Variants in MBD5 observed in about 807,000 individuals in gnomAD.
The protein encoded by MBD5 is methyl-CpG binding domain protein 5, also known as methyl-CpG-binding domain protein 5.
MBD5 carries 13 observed loss-of-function variants against 117.3 expected under a neutral mutation model. That is an observed-to-expected ratio of 0.11 (90% CI 0.07 to 0.18). The LOEUF (loss-of-function observed/expected upper bound fraction) is 0.18, where lower values mean the gene tolerates loss of function less well. MBD5 is among the 10% of genes least tolerant of loss of function. The pLI, the probability that MBD5 is intolerant of heterozygous loss-of-function variation, is 1.00. For missense variants in MBD5, 1,879 were observed against 2,093.8 expected, an observed-to-expected ratio of 0.90 and a Z score of 2.00; for synonymous variants, 727 against 766.4, an observed-to-expected ratio of 0.95 and a Z score of 0.85.
At chr2:148,481,214 C>T (rs903954880) in intron 8 of MBD5, among the ~76,000 whole-genome samples, 1 of 152,060 alleles carries the variant, frequency 6.6e-6, no homozygotes, top group Non-Finnish European at 1.5e-5. Context: ...GAATACCAGG[C>T]TTTATCAGAG....
Position 148,462,627 on chromosome 2 carries a change from C to T in MBD5, c.159C>T (p.Tyr53=). The T allele has an allele frequency of 6.2e-7, 1 of 1,612,982 alleles. No homozygotes were observed. The highest frequency in any genetic ancestry group is 8.5e-7 in the Non-Finnish European group (1 of 1,179,380). The change falls in exon 6 of 14, where the codon TAC becomes TAT. Residue 53 remains tyrosine (Y), a synonymous_variant. Coordinates refer to ENST00000642680, the MANE Select transcript of MBD5 (RefSeq NM_001378120.1). ...LLSCLEQVKT[Y]LLTDGTCKCG... is the part of the protein sequence containing the mutation. Reference sequence around the variant, plus strand: ...CTTGCTTGGAGCAGGTTAAAACATACCTGCTTACTGATGGAACATGCAAGT... The same window carrying T: ...CTTGCTTGGAGCAGGTTAAAACATATCTGCTTACTGATGGAACATGCAAGT...
chr2:148,504,848 G>A (rs948237534), intron 12 of MBD5, among the ~76,000 whole-genome samples: 1 of 152,116 alleles, frequency 6.6e-6, no homozygotes, highest in Non-Finnish European at 1.5e-5. Context: ...GATATAAGAG[G>A]TATAAGCGGG....
At chr2:148,212,040 T>C (rs1699436408) in intron 2 of MBD5, among the ~76,000 whole-genome samples, 3 of 152,172 alleles carry the variant, frequency 2.0e-5, no homozygotes, top group Admixed American at 2.0e-4. Context: ...TGAGCCACCA[T>C]GCCATGCCCA....
chr2:148,071,270 CTG>C (rs1558913341), intron 1 of MBD5: 2 of 124,982 alleles, frequency 1.6e-5, no homozygotes, highest in East Asian at 4.9e-4. Flanking sequence ...TTAGATATAT[CTG>C]TATATGTGTG....
Position 148,444,074 on chromosome 2 carries a change from G to A in MBD5, c.-556-14129G>A, listed in dbSNP as rs973445500. On this transcript the variant is annotated intron_variant, in intron 4 of 13. Coordinates refer to ENST00000642680, the MANE Select transcript of MBD5 (RefSeq NM_001378120.1). Reference sequence around the variant, plus strand: ...TTAAAAAATTTAAAGGATTAAATGAGCTAATTTGTGTATACATAAAGTGTT... The same window carrying A: ...TTAAAAAATTTAAAGGATTAAATGAACTAATTTGTGTATACATAAAGTGTT... Among the ~76,000 whole-genome samples, 13 of 150,880 alleles carry A rather than the reference G, an allele frequency of 8.6e-5. 1 individual carries two copies. Among genetic ancestry groups the A allele is most frequent in the African/African-American group, 3.2e-4 (13 of 40,340 alleles).
chr2:148,100,018 A>G (rs1696165668), intron 1 of MBD5, among the ~76,000 whole-genome samples: 1 of 152,224 alleles, frequency 6.6e-6, no homozygotes, highest in Non-Finnish European at 1.5e-5. Flanking sequence ...AACAACTGGA[A>G]TATAATGTGT....
At chr2:148,447,095 G>T (rs1409142753) in intron 4 of MBD5, among the ~76,000 whole-genome samples, 2 of 148,146 alleles carry the variant, frequency 1.4e-5, no homozygotes, top group African/African-American at 5.0e-5. Flanking sequence ...AAGAAAGAAA[G>T]AAAGGATAGG....
chr2:148,324,538 G>C (rs1369304478), intron 3 of MBD5, among the ~76,000 whole-genome samples: 1 of 152,138 alleles, frequency 6.6e-6, no homozygotes, highest in South Asian at 2.1e-4. Context: ...AGTTCTTGAA[G>C]AGGTCCTTCA....
intron 3 of MBD5, among the ~76,000 whole-genome samples, chr2:148,326,306 T>C (rs576005386): frequency 1.3e-5 from 2 of 152,344 alleles, no homozygotes; most frequent in South Asian, 2.1e-4. Context: ...AAAAAATGTA[T>C]ATTCTGTTGA....
chr2:148,141,791 CAA>C lies in MBD5; in HGVS notation c.-924-36898_-924-36897del, dbSNP rs67998222. On this transcript the variant is annotated intron_variant, in intron 1 of 13. Transcript: ENST00000642680. Reference sequence around the variant, plus strand: ...TAGGTGACAGAGCAAGACCCCGTCTCAAAAAAAAAAAATGTTTTTAATAAAAA... The same window carrying C: ...TAGGTGACAGAGCAAGACCCCGTCTCAAAAAAAAAATGTTTTTAATAAAAA... Among the ~76,000 whole-genome samples the C allele has an allele frequency of 6.0e-3, 770 of 128,682 alleles. 8 individuals carry two copies. The highest frequency in any genetic ancestry group is 0.019 in the African/African-American group (706 of 38,090). The allele number at this position is 128,682 out of a possible 152,430, so 84.4% of individuals were successfully genotyped here.
At chr2:148,355,856 TATTGAATCTATAAAGTACTTTGCAATAGC>T (rs1490882384) in intron 4 of MBD5, among the ~76,000 whole-genome samples, 3 of 152,168 alleles carry the variant, frequency 2.0e-5, no homozygotes, top group African/African-American at 4.8e-5. Flanking sequence ...ATTTGAATAG[TATTGAATCTATAAAGTACTTTGCAATAGC>T]ATTGAATCTA....
chr2:148,133,652 C>T (rs1409211041), intron 1 of MBD5, among the ~76,000 whole-genome samples: 2 of 152,054 alleles, frequency 1.3e-5, no homozygotes, highest in Non-Finnish European at 2.9e-5. Flanking sequence ...GGTGAAACCC[C>T]GTCTCTACTA....
intron 2 of MBD5, among the ~76,000 whole-genome samples, chr2:148,211,446 C>G (rs1260584768): frequency 2.0e-5 from 3 of 152,282 alleles, no homozygotes; most frequent in African/African-American, 7.2e-5. Flanking sequence ...AAACTACTTT[C>G]AGCGTTTGAT....
At chr2:148,238,122 A>G (rs932459676) in intron 3 of MBD5, among the ~76,000 whole-genome samples, 3 of 152,182 alleles carry the variant, frequency 2.0e-5, no homozygotes, top group African/African-American at 7.2e-5. Context: ...AGAACAATGA[A>G]TTTGCTCATT....
intron 1 of MBD5, among the ~76,000 whole-genome samples, chr2:148,048,824 G>A (rs1694614490): frequency 6.6e-6 from 1 of 152,144 alleles, no homozygotes; most frequent in Non-Finnish European, 1.5e-5. Flanking sequence ...TTGCTCCCTT[G>A]AGAAAAGAAG....
intron 6 of MBD5, 100 bp downstream of exon 6, chr2:148,462,784 A>G: frequency 1.3e-6 from 1 of 770,796 alleles, no homozygotes; most frequent in Non-Finnish European, 2.2e-6. Context: ...TACTTCTCCA[A>G]TCATACATTT....
intron 3 of MBD5, among the ~76,000 whole-genome samples, chr2:148,251,739 A>G (rs918716096): frequency 1.3e-5 from 2 of 152,196 alleles, no homozygotes; most frequent in African/African-American, 4.8e-5. Flanking sequence ...AAAAGATAAC[A>G]TTTAGCAAAT....
chr2:148,328,598 A>G lies in MBD5; in HGVS notation c.-679-13616A>G, dbSNP rs369518816. Among the ~76,000 whole-genome samples, 52 of 151,854 alleles carry G rather than the reference A, an allele frequency of 3.4e-4. 2 individuals are homozygous for G. In the South Asian group the frequency reaches 1.0e-2, roughly 29 times the overall value. ...CGCAGTATTCGGGTGGGAGTGACCC[A>G]ATTTTCCAGGTGCCCTCTGTCACCA... On this transcript the variant is annotated intron_variant, in intron 3 of 13. Coordinates refer to ENST00000642680, the MANE Select transcript of MBD5 (RefSeq NM_001378120.1).
At chr2:148,242,539 G>A (rs1700236785) in intron 3 of MBD5, among the ~76,000 whole-genome samples, 1 of 152,020 alleles carries the variant, frequency 6.6e-6, no homozygotes, top group South Asian at 2.1e-4. Context: ...CTGTTAGGTC[G>A]CCAGAAGATA....
Sources: allele counts gnomAD v4.1 joint callset (sites outside exome capture counted in the v4.1 genomes callset), GRCh38; gene constraint gnomAD v4.1.1; transcripts MANE v1.5; gene names NCBI Gene and HGNC (gene_info 2026-07-23, HGNC 2026-07-21).